The following IL3RA variants were observed in gnomAD, a reference collection of about 807,000 sequenced individuals.
IL3RA encodes interleukin 3 receptor subunit alpha, also known as interleukin-3 receptor subunit alpha.
Under a neutral mutation model 52.3 loss-of-function variants are expected in IL3RA, and 73 were observed. That is an observed-to-expected ratio of 1.40 (90% confidence interval 1.16 to 1.70). The LOEUF is 1.70. Among genes scored for constraint, IL3RA ranks in the 40% most tolerant of loss-of-function variants. The pLI is 0.00. For synonymous variants in IL3RA, 260 were observed against 194.0 expected (o/e 1.34, Z -2.83); for missense variants, 664 against 504.4 (o/e 1.32, Z -3.03).
In IL3RA at chrX:1,345,319, C is replaced by T. The variant is rs1158218126; in HGVS notation, c.68C>T (p.Pro23Leu). ...LPCLLQTKED[P>L]NPPITNLRMK... ...CTCCAACCTGTCACCGTTTTAGATCCAAACCCACCAATCACGAACCTAAGG... is the reference window on the plus strand; with the variant it reads ...CTCCAACCTGTCACCGTTTTAGATCTAAACCCACCAATCACGAACCTAAGG... Residue 23 changes from proline to leucine, a missense_variant, in exon 3 of 12, where the codon CCA becomes CTA. Transcript: ENST00000331035. 1.2e-6 allele frequency: 2 copies of T among 1,607,868 alleles called. No homozygotes were observed. The highest frequency in any genetic ancestry group is 1.7e-6 in the Non-Finnish European group (2 of 1,176,342).
Position 1,376,811 on chromosome X carries a change from A to T in IL3RA, c.875-1848A>T, listed in dbSNP as rs1327979686. Among the ~76,000 whole-genome samples, 8 of 62,058 alleles carry T rather than the reference A, an allele frequency of 1.3e-4. 1 individual carries two copies. The highest frequency in any genetic ancestry group is 8.3e-3 in the Middle Eastern group (1 of 120). The allele number at this position is 62,058 out of a possible 152,430, so 40.7% of individuals were successfully genotyped here. On this transcript the variant is annotated intron_variant, in intron 9 of 11. Transcript: ENST00000331035. ...TGACAGCAGCCTGAAACGGACTAAG[A>T]CATCCCATAAAAAGGAGATGAGGAC...
intron 8 of IL3RA, among the ~76,000 whole-genome samples, chrX:1,359,152 C>T (rs1460457707): frequency 5.9e-5 from 9 of 151,972 alleles, no homozygotes; most frequent in African/African-American, 1.9e-4. Context: ...GGGATGACAC[C>T]TCCCAAGGTG....
At chrX:1,360,031 A>G (rs1345808417) in intron 8 of IL3RA, among the ~76,000 whole-genome samples, 1 of 104,358 alleles carries the variant, frequency 9.6e-6, no homozygotes, top group African/African-American at 4.5e-5. Context: ...CCTTCTCCCC[A>G]TCTCTCTCTC....
intron 8 of IL3RA, among the ~76,000 whole-genome samples, chrX:1,363,046 G>C (rs1472957900): frequency 6.6e-6 from 1 of 152,034 alleles, no homozygotes; most frequent in Non-Finnish European, 1.5e-5. Flanking sequence ...AAAGTGCTGG[G>C]ATTACAGGTG....
At chrX:1,342,912 T>C (rs2085547894) in intron 2 of IL3RA, among the ~76,000 whole-genome samples, 2 of 150,836 alleles carry the variant, frequency 1.3e-5, no homozygotes, top group Non-Finnish European at 3.0e-5. Flanking sequence ...CCGTCTCTAC[T>C]AAAAATACAA....
In IL3RA at chrX:1,365,271, G is replaced by T; in HGVS notation, c.874+19G>T. ...CGCTTCGGTGAGTGGGCTGTGCGGG[G>T]TGCGCGGGGTGAGCGGGGTGAGCGG... On this transcript the variant is annotated intron_variant, in intron 9 of 11. Transcript: ENST00000331035. The T allele has an allele frequency of 1.3e-6, 2 of 1,560,016 alleles. No individual in the cohort carries two copies. Among genetic ancestry groups the T allele is most frequent in the East Asian group, 2.3e-5 (1 of 43,648 alleles).
At chrX:1,344,206 G>T (rs1285324395) in intron 2 of IL3RA, among the ~76,000 whole-genome samples, 1 of 152,088 alleles carries the variant, frequency 6.6e-6, no homozygotes, top group East Asian at 1.9e-4. Context: ...GGCTGAGGCA[G>T]GCAGATCATG....
intron 6 of IL3RA, among the ~76,000 whole-genome samples, chrX:1,354,474 AGAGGAAGAACATGAGCAGGG>A (rs774028781): frequency 0.022 from 3,306 of 147,892 alleles, 129 homozygotes; most frequent in African/African-American, 0.078. Flanking sequence ...AGAAGGGAGG[AGAGGAAGAACATGAGCAGGG>A]GGAGGAGGAG....
chrX:1,345,114 G>A (rs1293926705), intron 2 of IL3RA, among the ~76,000 whole-genome samples: 1 of 151,406 alleles, frequency 6.6e-6, no homozygotes, highest in Non-Finnish European at 1.5e-5. Flanking sequence ...CTTGCAGTGA[G>A]CTGAGATCGT....
intron 1 of IL3RA, among the ~76,000 whole-genome samples, chrX:1,337,625 C>T (rs1322531569): frequency 6.7e-6 from 1 of 150,298 alleles, no homozygotes; most frequent in Non-Finnish European, 1.5e-5. Flanking sequence ...GGAGACAGCC[C>T]TCATACCCAT....
At chrX:1,364,181 C>T (rs1358631841) in intron 8 of IL3RA, among the ~76,000 whole-genome samples, 3 of 140,572 alleles carry the variant, frequency 2.1e-5, no homozygotes, top group African/African-American at 8.0e-5. Context: ...GAGTGAGACT[C>T]CATCTCAAAA....
intron 2 of IL3RA, among the ~76,000 whole-genome samples, chrX:1,344,698 G>A (rs1172686582): frequency 7.9e-5 from 12 of 151,682 alleles, no homozygotes; most frequent in South Asian, 2.1e-4. Context: ...GCTTGAACCC[G>A]GGAGGTAGAG....
chrX:1,368,430 G>A (rs1381171222), intron 9 of IL3RA, among the ~76,000 whole-genome samples: 1 of 151,678 alleles, frequency 6.6e-6, no homozygotes, highest in Non-Finnish European at 1.5e-5. Flanking sequence ...ACTAAAAATA[G>A]AAAAATTAGG....
chrX:1,347,512 G>A (rs770617576), intron 3 of IL3RA, among the ~76,000 whole-genome samples: 1 of 151,864 alleles, frequency 6.6e-6, no homozygotes, highest in Admixed American at 6.6e-5. Flanking sequence ...GTGGCCGGGT[G>A]CGGTGGTGAG....
At chrX:1,351,249 ATAT>A (rs1327036175) in intron 4 of IL3RA, among the ~76,000 whole-genome samples, 12 of 152,186 alleles carry the variant, frequency 7.9e-5, no homozygotes, top group African/African-American at 2.9e-4. Flanking sequence ...GGATCTCTCC[ATAT>A]TATTATTATT....
Position 1,382,612 on chromosome X carries a change from C to T in IL3RA, c.*147C>T, listed in dbSNP as rs1347637296. On this transcript the variant is annotated 3_prime_UTR_variant, in exon 12 of 12. Transcript: ENST00000331035. ...GGCATGGGAGATGCCTGTGTAATTT[C>T]GTCCGAAGCTGCCAGGAAGAAGAAC... 1.4e-5 allele frequency: 10 copies of T among 714,188 alleles called. No homozygotes were observed. Among genetic ancestry groups the T allele is most frequent in the African/African-American group, 7.1e-5 (4 of 56,354 alleles). The allele number at this position is 714,188 out of a possible 1,614,324, so 44.2% of individuals were successfully genotyped here.
Position 1,348,528 on chromosome X carries a change from T to A in IL3RA, c.281T>A (p.Ile94Asn). The A allele has an allele frequency of 6.2e-7, 1 of 1,613,010 alleles. No homozygotes were observed. The highest frequency in any genetic ancestry group is 8.5e-7 in the Non-Finnish European group (1 of 1,179,082). The change falls in exon 4 of 12, where the codon ATC becomes AAC. Residue 94 changes from isoleucine to asparagine, a missense_variant. Physicochemically the swap from Ile to Asn is moderately radical, Grantham distance 149 (BLOSUM62 -3). Transcript: ENST00000331035. ...GCCAACCCACCATTCTCCACGTGGA[T>A]CCTCTTCCCTGAGAACAGTGAGAAA... ...RVANPPFSTW[I>N]LFPENSGKPW...
At chrX:1,348,646 C>CT (rs1418074758) in intron 4 of IL3RA, 101 bp downstream of exon 4, 40 of 282,232 alleles carry the variant, frequency 1.4e-4, no homozygotes, top group African/African-American at 1.0e-3. Flanking sequence ...TTCTTTTTCT[C>CT]TTTCTTTCTT....
At chrX:1,368,604 G>A (rs1465492909) in intron 9 of IL3RA, among the ~76,000 whole-genome samples, 1 of 152,138 alleles carries the variant, frequency 6.6e-6, no homozygotes, top group Non-Finnish European at 1.5e-5. Flanking sequence ...AGGCGATTAA[G>A]GTAAAATGAG....
Sources: allele counts gnomAD v4.1 joint callset (sites outside exome capture counted in the v4.1 genomes callset), GRCh38; gene constraint gnomAD v4.1.1; transcripts MANE v1.5; gene names NCBI Gene and HGNC (gene_info 2026-07-23, HGNC 2026-07-21).